The following SLK variants were observed in gnomAD, a reference collection of about 807,000 sequenced individuals.
The protein encoded by SLK is STE20 like kinase.
A neutral mutation model predicts 147.7 loss-of-function variants in SLK; 67 were observed. That is an observed-to-expected ratio of 0.45 (90% confidence interval 0.37 to 0.56). SLK has a LOEUF of 0.56. SLK is among the 20% of genes least tolerant of loss of function. The pLI is 0.00. For synonymous variants in SLK, 441 were observed against 475.0 expected (o/e 0.93, Z 0.93); for missense variants, 1,136 against 1,438.8 (o/e 0.79, Z 3.41).
chr10:104,016,198 A>G (rs61861273), intron 13 of SLK, among the ~76,000 whole-genome samples: 2,402 of 152,168 alleles, frequency 0.016, 30 homozygotes, highest in Non-Finnish European at 0.025. Flanking sequence ...GGGCGCCTGT[A>G]GTCCCGGCTA....
Position 104,027,870 on chromosome 10 carries a change from A to G in SLK, c.*2150A>G, listed in dbSNP as rs1048032187. On this transcript the variant is annotated 3_prime_UTR_variant, in exon 19 of 19. Transcript: ENST00000369755. ...AGTGGAATGGTTGGCGCTGTGGGTA[A>G]GGTTGGATCTCCCTTAAAACTGCCT... The G allele has an allele frequency of 1.1e-4, 17 of 152,146 alleles. No homozygotes were observed. The highest frequency in any genetic ancestry group is 3.9e-4 in the African/African-American group (16 of 41,416). 9.4% of individuals were successfully genotyped at this position (152,146 alleles called of 1,614,324 possible).
chr10:103,981,900 TC>T (rs1433593131), intron 1 of SLK, among the ~76,000 whole-genome samples: 3 of 152,198 alleles, frequency 2.0e-5, no homozygotes, highest in African/African-American at 7.2e-5. Context: ...TTGCATTGAA[TC>T]TGTAGATTGC....
chr10:103,976,215 A>T (rs1045382393), intron 1 of SLK, among the ~76,000 whole-genome samples: 10 of 152,120 alleles, frequency 6.6e-5, no homozygotes, highest in Non-Finnish European at 1.3e-4. Context: ...AAATTTTTTA[A>T]ATTAAAAACC....
chr10:103,975,385 G>C (rs150348239), intron 1 of SLK, among the ~76,000 whole-genome samples: 165 of 152,162 alleles, frequency 1.1e-3, no homozygotes, highest in African/African-American at 3.8e-3. Flanking sequence ...AGACCTAGAG[G>C]TCATTTTTAA....
At chr10:103,990,490 G>A (rs561868429) in intron 1 of SLK, among the ~76,000 whole-genome samples, 185 bp from the exon 2 acceptor site, 8 of 152,234 alleles carry the variant, frequency 5.3e-5, no homozygotes, top group African/African-American at 1.9e-4. Context: ...TATCAAATAT[G>A]TGTCTTGCAA....
chr10:104,021,825 CA>C (rs1230618445), intron 18 of SLK, 92 bp downstream of exon 18: 3 of 695,634 alleles, frequency 4.3e-6, no homozygotes, highest in Non-Finnish European at 7.3e-6. Context: ...GGTACAGTGT[CA>C]GGGGCAGGAA....
chr10:104,019,957 T>G (rs1466703774), intron 16 of SLK, 35 bp downstream of exon 16: 1 of 1,530,902 alleles, frequency 6.5e-7, no homozygotes, highest in Non-Finnish European at 8.9e-7. Context: ...TCTTTTAGGT[T>G]TAAAATTTTT....
intron 18 of SLK, among the ~76,000 whole-genome samples, chr10:104,024,705 AT>A (rs1284464983): frequency 6.6e-6 from 1 of 152,046 alleles, no homozygotes; most frequent in Admixed American, 6.5e-5. Context: ...AGCACCACTT[AT>A]CCCTGAATCA....
At chr10:103,976,050 C>T (rs1843866205) in intron 1 of SLK, among the ~76,000 whole-genome samples, 1 of 152,128 alleles carries the variant, frequency 6.6e-6, no homozygotes, top group Non-Finnish European at 1.5e-5. Context: ...CTGTAGGCAC[C>T]TGCTACCATG....
chr10:103,992,069 G>T (rs1240971895), intron 2 of SLK, among the ~76,000 whole-genome samples: 1 of 148,660 alleles, frequency 6.7e-6, no homozygotes, highest in Admixed American at 6.8e-5. Context: ...TCTTACCAGG[G>T]AAGTCAAGAT....
intron 1 of SLK, among the ~76,000 whole-genome samples, chr10:103,976,549 C>CT (rs1390134979): frequency 6.6e-6 from 1 of 150,958 alleles, no homozygotes; most frequent in Non-Finnish European, 1.5e-5. Flanking sequence ...ATTTGGGTAT[C>CT]TTTTTTTGGT....
rs77473065 is a variant in SLK at position 103,997,628 on chromosome 10, G to A, written c.515-1271G>A. The stretch of plus-strand genomic sequence containing the variant: ...ACATCCATCCTACTGGGTGTGAAGC[G>A]GTAATGGGTATGAATTTGTTGTATT... On this transcript the variant is annotated intron_variant, in intron 4 of 18. Transcript: ENST00000369755. Among the ~76,000 whole-genome samples, 1,231 of 151,922 alleles carry A rather than the reference G, an allele frequency of 8.1e-3. 24 individuals carry two copies. Among genetic ancestry groups the A allele is most frequent in the African/African-American group, 0.028 (1,179 of 41,396 alleles).
Position 104,018,244 on chromosome 10 carries a change from A to G in SLK, c.2962A>G (p.Asn988Asp). ...CCAGCAGCAGAAGGCAGAGTTAGCTAATATTGAGAGAGAGTGCCTGAATAA... is the reference window on the plus strand; with the variant it reads ...CCAGCAGCAGAAGGCAGAGTTAGCTGATATTGAGAGAGAGTGCCTGAATAA... ...IIQQQKAELANIERECLNNKQ... is the reference protein window; with the variant it reads ...IIQQQKAELADIERECLNNKQ... The change falls in exon 14 of 19, where the codon AAT becomes GAT. Residue 988 changes from asparagine to aspartate, a missense_variant. Around this residue, in one of 6 missense-constraint regions of SLK, gnomAD observed 327 missense variants for 457.5 expected, o/e 0.71. Transcript: ENST00000369755. 1 of 1,598,796 alleles carries G rather than the reference A, an allele frequency of 6.3e-7. No homozygotes were observed. The highest frequency in any genetic ancestry group is 8.5e-7 in the Non-Finnish European group (1 of 1,176,424).
chr10:104,025,827 A>T lies in SLK; in HGVS notation c.*107A>T, dbSNP rs1433623559. On this transcript the variant is annotated 3_prime_UTR_variant, in exon 19 of 19. Transcript: ENST00000369755. ...GCTCATGAAGACAATCACCTGCCTC[A>T]CCTTCTAGGTGTTTTCCTTTTTTGT... 3 of 954,548 alleles carry T rather than the reference A, an allele frequency of 3.1e-6. No individual in the cohort carries two copies. The highest frequency in any genetic ancestry group is 4.6e-6 in the Non-Finnish European group (3 of 648,424). The allele number at this position is 954,548 out of a possible 1,614,324, so 59.1% of individuals were successfully genotyped here.
intron 18 of SLK, among the ~76,000 whole-genome samples, chr10:104,024,953 C>T (rs1740257123): frequency 1.3e-5 from 2 of 152,144 alleles, no homozygotes; most frequent in African/African-American, 4.8e-5. Flanking sequence ...CTCAGAGGTC[C>T]CACCTTCTAT....
chr10:103,984,872 A>G (rs1420487325), intron 1 of SLK, among the ~76,000 whole-genome samples: 1 of 152,220 alleles, frequency 6.6e-6, no homozygotes, highest in Admixed American at 6.5e-5. Context: ...AACCTAACAT[A>G]TAGAAGGCAC....
chr10:104,015,454 T>C (rs749553362), intron 13 of SLK, among the ~76,000 whole-genome samples: 1 of 152,228 alleles, frequency 6.6e-6, no homozygotes, highest in Non-Finnish European at 1.5e-5. Flanking sequence ...GAACCCTTTA[T>C]TCCCAGCTTT....
chr10:104,022,159 G>C (rs1369706749), intron 18 of SLK, among the ~76,000 whole-genome samples: 1 of 152,136 alleles, frequency 6.6e-6, no homozygotes, highest in Non-Finnish European at 1.5e-5. Context: ...ACAGAGAATT[G>C]TAGATCGTTC....
At position 104,008,399 on chromosome 10, in the gene SLK, T is replaced by A. The variant is rs758625222; in HGVS notation, c.2784+43T>A. Reference sequence around the variant, plus strand: ...TTTTTAATTACTAAAGCTTTTTTTTTAAAAAAATTGTTTTAAGACTATCTA... The same window carrying A: ...TTTTTAATTACTAAAGCTTTTTTTTAAAAAAAATTGTTTTAAGACTATCTA... On this transcript the variant is annotated intron_variant, in intron 12 of 18. Coordinates refer to ENST00000369755, the MANE Select transcript of SLK (RefSeq NM_014720.4). 5 of 1,174,320 alleles carry A rather than the reference T, an allele frequency of 4.3e-6. No homozygotes were observed. In the African/African-American group the frequency reaches 4.7e-5, roughly 11 times the overall value. 72.7% of individuals were successfully genotyped at this position (1,174,320 alleles called of 1,614,324 possible).
Sources: gnomAD v4.1 joint callset for allele counts (sites outside exome capture counted in the v4.1 genomes callset) on GRCh38, gnomAD v4.1.1 for gene constraint, gnomAD v4.1.1 regional missense constraint, MANE v1.5 for transcripts, NCBI Gene and HGNC (gene_info 2026-07-23, HGNC 2026-07-21) for gene names.